Variants in TMEM181 observed in about 807,000 individuals in gnomAD.
The protein encoded by TMEM181 is G protein-coupled receptor 178.
TMEM181 carries 39 observed loss-of-function variants against 71.9 expected under a neutral mutation model. That is an observed-to-expected ratio of 0.54 (90% CI 0.42 to 0.71). The LOEUF (loss-of-function observed/expected upper bound fraction) is 0.71, where lower values mean the gene tolerates loss of function less well. Ranked by LOEUF, TMEM181 falls within the 30% of genes least tolerant of loss-of-function variation. TMEM181 has a pLI of 0.00. For synonymous variants in TMEM181, 245 were observed against 228.8 expected, an observed-to-expected ratio of 1.07 and a Z score of -0.64; for missense variants, 595 against 583.0, an observed-to-expected ratio of 1.02 and a Z score of -0.21.
chr6:158,563,784 C>T (rs540189530), intron 1 of TMEM181, among the ~76,000 whole-genome samples: 1 of 152,150 alleles, frequency 6.6e-6, no homozygotes, highest in Non-Finnish European at 1.5e-5. Context: ...GGTGGTTAGG[C>T]CTTGAATGTT....
intron 1 of TMEM181, chr6:158,572,499 CG>C (rs762522430): frequency 8.8e-6 from 4 of 456,338 alleles, no homozygotes; most frequent in South Asian, 1.5e-5. Context: ...GGGCACAGGG[CG>C]GGGGCCGGCC....
chr6:158,631,246 T>C, intron 15 of TMEM181, 77 bp from the exon 16 acceptor site: 1 of 1,481,970 alleles, frequency 6.7e-7, no homozygotes, highest in South Asian at 1.1e-5. Flanking sequence ...TCCCTTCCTT[T>C]GTCCGGGACA....
chr6:158,554,114 TC>T (rs1350552979), intron 1 of TMEM181, among the ~76,000 whole-genome samples: 19 of 151,744 alleles, frequency 1.3e-4, no homozygotes, highest in African/African-American at 4.4e-4. Flanking sequence ...AGATGGAGTT[TC>T]GCTTTTGTTG....
At chr6:158,565,331 G>A (rs1332709598) in intron 1 of TMEM181, among the ~76,000 whole-genome samples, 2 of 152,194 alleles carry the variant, frequency 1.3e-5, no homozygotes, top group Non-Finnish European at 2.9e-5. Context: ...GGGCAAAGTT[G>A]TGTTGGTGCC....
chr6:158,608,603 G>C (rs1001610720), intron 9 of TMEM181, 56 bp from the exon 10 acceptor site: 10 of 1,596,696 alleles, frequency 6.3e-6, no homozygotes, highest in African/African-American at 2.7e-5. Context: ...ATCACGTTAT[G>C]TACAATTACC....
intron 10 of TMEM181, chr6:158,621,761 C>G (rs1384892098): frequency 6.6e-6 from 1 of 152,364 alleles, no homozygotes; most frequent in Non-Finnish European, 1.5e-5. Context: ...CTTCCAAGCT[C>G]AGTGTGCTTC....
intron 6 of TMEM181, among the ~76,000 whole-genome samples, chr6:158,594,849 G>T (rs1465528105): frequency 6.6e-6 from 1 of 152,032 alleles, no homozygotes; most frequent in South Asian, 2.1e-4. Context: ...CACCATGCCC[G>T]GATACTTTTT....
chr6:158,564,766 G>C (rs1480645591), intron 1 of TMEM181, among the ~76,000 whole-genome samples: 1 of 152,212 alleles, frequency 6.6e-6, no homozygotes, highest in Non-Finnish European at 1.5e-5. Flanking sequence ...GTCAGGAAGT[G>C]GGGAGCCAGG....
At chr6:158,560,381 G>C in intron 1 of TMEM181, 149 bp downstream of exon 1, 1 of 947,200 alleles carries the variant, frequency 1.1e-6, no homozygotes, top group Non-Finnish European at 1.3e-6. Flanking sequence ...AGGGGGCTTC[G>C]CGGGCGGGTC....
intron 6 of TMEM181, among the ~76,000 whole-genome samples, chr6:158,590,005 TTAGAA>T (rs1339556049): frequency 6.6e-6 from 1 of 152,120 alleles, no homozygotes; most frequent in Admixed American, 6.6e-5. Context: ...TGTCTGAGAT[TTAGAA>T]TAGAGAGTAT....
At chr6:158,549,375 A>G (rs1781647808) in intron 1 of TMEM181, among the ~76,000 whole-genome samples, 1 of 152,088 alleles carries the variant, frequency 6.6e-6, no homozygotes, top group Non-Finnish European at 1.5e-5. Context: ...TGGCCTCCCA[A>G]AGTACTGGGA....
intron 7 of TMEM181, among the ~76,000 whole-genome samples, chr6:158,606,924 C>T (rs1554227769): frequency 6.6e-6 from 1 of 152,238 alleles, no homozygotes. Context: ...CCTTGTTTTC[C>T]TCGCCGTGGT....
intron 5 of TMEM181, among the ~76,000 whole-genome samples, chr6:158,587,492 T>C (rs1015469443): frequency 6.6e-6 from 1 of 152,104 alleles, no homozygotes; most frequent in African/African-American, 2.4e-5. Flanking sequence ...ACCACCCTCT[T>C]ATATTACTTT....
upstream of TMEM181, chr6:158,559,969 CG>C (rs5881278): frequency 1.2e-6 from 1 of 834,316 alleles, no homozygotes; most frequent in Admixed American, 6.2e-5. Flanking sequence ...CGCCCCGGCA[CG>C]GGGCCACGAA....
chr6:158,615,035 T>C (rs547957706), intron 10 of TMEM181, among the ~76,000 whole-genome samples: 110 of 152,360 alleles, frequency 7.2e-4, no homozygotes, highest in African/African-American at 2.5e-3. Flanking sequence ...ATGGTATTTC[T>C]AGTTCTAGAT....
chr6:158,605,131 A>AGTGTGTTT (rs1554227492), intron 6 of TMEM181, 136 bp from the exon 7 acceptor site: 1 of 159,686 alleles, frequency 6.3e-6, no homozygotes, highest in Non-Finnish European at 1.2e-5. Context: ...AAAAAAAAAA[A>AGTGTGTTT]GTGTGTGTGT....
intron 2 of TMEM181, among the ~76,000 whole-genome samples, chr6:158,576,404 C>T (rs1783156215): frequency 6.6e-6 from 1 of 152,064 alleles, no homozygotes; most frequent in Admixed American, 6.5e-5. Flanking sequence ...GTTGTTGTAC[C>T]TCCCTCAATT....
chr6:158,618,308 T>TTTGTTGTTGTTGTTG (rs376129600), intron 10 of TMEM181, among the ~76,000 whole-genome samples: 39 of 151,744 alleles, frequency 2.6e-4, no homozygotes, highest in Non-Finnish European at 4.3e-4. Flanking sequence ...AACCCCTGCT[T>TTTGTTGTTGTTGTTG]TTGTTGTTGT....
chr6:158,561,170 T>C (rs1322515753), intron 1 of TMEM181, among the ~76,000 whole-genome samples: 1 of 152,228 alleles, frequency 6.6e-6, no homozygotes, highest in Non-Finnish European at 1.5e-5. Context: ...TGCTGATTTC[T>C]CTGGCTGTGG....
Sources: allele counts gnomAD v4.1 joint callset (sites outside exome capture counted in the v4.1 genomes callset), GRCh38; gene constraint gnomAD v4.1.1; transcripts MANE v1.5; gene names NCBI Gene and HGNC (gene_info 2026-07-23, HGNC 2026-07-21).